RHOBTB2: variants seen among roughly 807,000 people sequenced by gnomAD.
RHOBTB2 encodes the protein Rho related BTB domain containing 2.
RHOBTB2 carries 39 observed loss-of-function variants against 66.5 expected under a neutral mutation model. That is an observed-to-expected ratio of 0.59 (90% CI 0.45 to 0.77). The LOEUF is 0.77. RHOBTB2 is among the 30% of genes least tolerant of loss of function. The pLI is 0.00. For missense variants in RHOBTB2, 755 were observed against 999.1 expected, an observed-to-expected ratio of 0.76 and a Z score of 3.29; for synonymous variants, 390 against 395.0, an observed-to-expected ratio of 0.99 and a Z score of 0.15.
chr8:22,977,536 C>A, the RHOBTB2 span, among the ~76,000 whole-genome samples: 1 of 148,574 alleles, frequency 6.7e-6, no homozygotes, highest in Admixed American at 6.8e-5. Flanking sequence ...CATATCACTG[C>A]ACTCCAGCTT....
upstream of RHOBTB2, among the ~76,000 whole-genome samples, chr8:22,986,140 T>TTCTCTCTCTCTCTC (rs58840002): frequency 1.4e-5 from 2 of 147,906 alleles, no homozygotes; most frequent in Non-Finnish European, 3.0e-5. Context: ...GACGGTGGAC[T>TTCTCTCTCTCTCTC]TCTCTCTCTC....
At chr8:23,011,109 C>A (rs1449757974) in intron 7 of RHOBTB2, among the ~76,000 whole-genome samples, 1 of 152,162 alleles carries the variant, frequency 6.6e-6, no homozygotes, top group Non-Finnish European at 1.5e-5. Flanking sequence ...TAAAAATTAG[C>A]TGTGTTTGGT....
At chr8:22,990,032 G>A (rs546183634) in intron 1 of RHOBTB2, among the ~76,000 whole-genome samples, 7 of 152,254 alleles carry the variant, frequency 4.6e-5, no homozygotes, top group Admixed American at 1.3e-4. Flanking sequence ...GCACAATCCC[G>A]GGCATGTAAT....
the RHOBTB2 span, among the ~76,000 whole-genome samples, chr8:22,969,092 T>C: frequency 2.0e-5 from 3 of 152,194 alleles, no homozygotes; most frequent in Non-Finnish European, 4.4e-5. Flanking sequence ...CAGTTCCACA[T>C]GGCTGGGGAG....
In RHOBTB2 at chr8:23,007,430, C is replaced by T. The variant is rs201349334; in HGVS notation, c.1185C>T (p.Ser395=). The part of the protein sequence containing the change: ...VLSSWSRAFV[S]IQEEMAEDPL... ...CTTCCTGGAGCCGAGCTTTTGTGAGCATCCAGGAAGAGATGGCAGAAGATC... is the reference window on the plus strand; with the variant it reads ...CTTCCTGGAGCCGAGCTTTTGTGAGTATCCAGGAAGAGATGGCAGAAGATC... Residue 395 remains serine, a synonymous_variant, in exon 5 of 10, where the codon AGC becomes AGT. Coordinates refer to ENST00000251822, the MANE Select transcript of RHOBTB2 (RefSeq NM_015178.3). 7.2e-5 allele frequency: 117 copies of T among 1,614,156 alleles called. No individual in the cohort carries two copies. Among genetic ancestry groups the T allele is most frequent in the Non-Finnish European group, 9.7e-5 (115 of 1,180,042 alleles).
chr8:22,962,179 C>CAA, the RHOBTB2 span, among the ~76,000 whole-genome samples: 3 of 13,834 alleles, frequency 2.2e-4, no homozygotes, highest in Admixed American at 1.4e-3. Context: ...AACGAATTTA[C>CAA]AAAAAAAAAA....
upstream of RHOBTB2, among the ~76,000 whole-genome samples, chr8:22,996,707 C>A (rs11989504): frequency 6.6e-6 from 1 of 151,860 alleles, no homozygotes; most frequent in African/African-American, 2.4e-5. Context: ...GGTGGGAGGG[C>A]GCAGTGAAGG....
chr8:22,978,505 A>C, the RHOBTB2 span, among the ~76,000 whole-genome samples: 116 of 150,230 alleles, frequency 7.7e-4, 2 homozygotes, highest in African/African-American at 2.6e-3. Flanking sequence ...AAAAACAAAA[A>C]AACAAAAAAA....
the RHOBTB2 span, among the ~76,000 whole-genome samples, chr8:22,956,872 C>T: frequency 6.6e-6 from 1 of 152,288 alleles, no homozygotes; most frequent in South Asian, 2.1e-4. Context: ...GTTGGTCAGG[C>T]TGGTCTTGAA....
the RHOBTB2 span, among the ~76,000 whole-genome samples, chr8:22,971,649 T>G: frequency 6.6e-6 from 1 of 152,202 alleles, no homozygotes; most frequent in Non-Finnish European, 1.5e-5. Context: ...GCTGAACTTC[T>G]GTGCAGCATT....
chr8:22,987,181 G>A (rs1245517133), upstream of RHOBTB2, among the ~76,000 whole-genome samples: 3 of 152,258 alleles, frequency 2.0e-5, no homozygotes, highest in Non-Finnish European at 2.9e-5. Flanking sequence ...GACAATAAGA[G>A]CAGGATGTGG....
chr8:23,014,658 C>T, intron 7 of RHOBTB2, 32 bp from the exon 8 acceptor site: 1 of 1,599,670 alleles, frequency 6.3e-7, no homozygotes, highest in Non-Finnish European at 8.6e-7. Context: ...TCATGTGCTT[C>T]TTCAGCTGAT....
rs1219171616 is a variant in RHOBTB2, at chr8:23,006,152, G to C, written c.482+7G>C. ...CTAGGCGACCCTTGGCTAGGTAGGAGGTGCTGGTACCAAGGAGACAGACAT... is the reference window on the plus strand; with the variant it reads ...CTAGGCGACCCTTGGCTAGGTAGGACGTGCTGGTACCAAGGAGACAGACAT... On this transcript the variant is annotated splice_region_variant and intron_variant, in intron 4 of 9. Transcript: ENST00000251822. The surrounding 1 kb of genome is among the most constrained non-coding windows in gnomAD (Gnocchi z 6.1). 1.9e-6 allele frequency: 3 copies of C among 1,609,108 alleles called. No homozygotes were observed. Among genetic ancestry groups the C allele is most frequent in the East Asian group, 2.2e-5 (1 of 44,818 alleles).
chr8:22,951,461 G>A, the RHOBTB2 span, among the ~76,000 whole-genome samples: 3 of 151,954 alleles, frequency 2.0e-5, no homozygotes, highest in East Asian at 3.9e-4. Context: ...GGGTGCAGGC[G>A]GGCTGAATCC....
At chr8:22,957,369 T>C in the RHOBTB2 span, among the ~76,000 whole-genome samples, 1 of 152,186 alleles carries the variant, frequency 6.6e-6, no homozygotes, top group Non-Finnish European at 1.5e-5. Flanking sequence ...TATGCAAATA[T>C]CCTCTTTCTG....
the RHOBTB2 span, among the ~76,000 whole-genome samples, chr8:22,961,364 C>G: frequency 6.6e-6 from 1 of 152,142 alleles, no homozygotes; most frequent in Non-Finnish European, 1.5e-5. Context: ...GGAGCTGTAA[C>G]TGATCAAGCT....
chr8:23,007,782 A>G (rs774442722), intron 5 of RHOBTB2, 36 bp downstream of exon 5: 1 of 1,601,192 alleles, frequency 6.2e-7, no homozygotes, highest in Non-Finnish European at 8.5e-7. Context: ...GGGGTTCTGC[A>G]TTGGTGCTAT....
chr8:23,019,277 G>A lies in RHOBTB2; in HGVS notation c.*1808G>A, dbSNP rs1401010928. On this transcript the variant is annotated 3_prime_UTR_variant, in exon 10 of 10. Coordinates refer to ENST00000251822, the MANE Select transcript of RHOBTB2 (RefSeq NM_015178.3). ...AAATCCTCATCAAGAGAGACCAGGCGGCTGGAGGACAAGCGGCTCTAACCC... is the reference window on the plus strand; with the variant it reads ...AAATCCTCATCAAGAGAGACCAGGCAGCTGGAGGACAAGCGGCTCTAACCC... The A allele has an allele frequency of 2.6e-5, 4 of 152,592 alleles. No individual in the cohort carries two copies. The highest frequency in any genetic ancestry group is 4.4e-5 in the Non-Finnish European group (3 of 68,348). The allele number at this position is 152,592 out of a possible 1,614,324, so 9.5% of individuals were successfully genotyped here. A position where few individuals can be genotyped will look rare whatever the true frequency, so the allele number is the denominator to read the frequency against.
rs1811008712 is a variant in RHOBTB2, at chr8:23,007,557, C to T, written c.1312C>T (p.Leu438=). The T allele has an allele frequency of 1.2e-6, 2 of 1,614,050 alleles. No homozygotes were observed. Among genetic ancestry groups the T allele is most frequent in the Admixed American group, 1.7e-5 (1 of 60,000 alleles). The change falls in exon 5 of 10, where the codon CTA becomes TTA. Residue 438 remains leucine, a synonymous_variant. Coordinates refer to ENST00000251822, the MANE Select transcript of RHOBTB2 (RefSeq NM_015178.3). ...AVLKYLYTGE[L]DENERDLMHI... is the part of the protein sequence containing the mutation. ...CCTCAAGTACCTGTACACGGGGGAG[C>T]TAGATGAGAACGAGCGTGACCTCAT... is the stretch of plus-strand genomic sequence containing the variant.
Sources: gnomAD v4.1 joint callset for allele counts (sites outside exome capture counted in the v4.1 genomes callset) on GRCh38, gnomAD v4.1.1 for gene constraint, Gnocchi (gnomAD v3.1) non-coding constraint, MANE v1.5 for transcripts, NCBI Gene and HGNC (gene_info 2026-07-23, HGNC 2026-07-21) for gene names.